LRP11: variants seen among roughly 807,000 people sequenced by gnomAD.
LRP11 encodes the protein LDL receptor related protein 11, also known as low-density lipoprotein receptor-related protein 11.
LRP11 carries 25 observed loss-of-function variants against 43.1 expected under a neutral mutation model. The observed-to-expected ratio is 0.58, with a 90% CI of 0.42 to 0.81. The LOEUF (loss-of-function observed/expected upper bound fraction) is 0.81. Among genes scored for constraint, LRP11 ranks in the 30% least tolerant of loss-of-function variants. LRP11 has a pLI of 0.00. For missense variants in LRP11, 623 were observed against 665.1 expected (o/e 0.94, Z 0.70); for synonymous variants, 316 against 299.4 (o/e 1.06, Z -0.57).
At chr6:149,858,705 G>T (rs1278707076) in intron 1 of LRP11, among the ~76,000 whole-genome samples, 2 of 152,032 alleles carry the variant, frequency 1.3e-5, no homozygotes, top group Non-Finnish European at 2.9e-5. Context: ...TCCTGTTATT[G>T]ATATTTCTTC....
At chr6:149,859,396 A>ATATTTTTTTTTT in intron 1 of LRP11, among the ~76,000 whole-genome samples, 25 of 71,494 alleles carry the variant, frequency 3.5e-4, no homozygotes, top group African/African-American at 1.8e-3. Flanking sequence ...ATATATATAT[A>ATATTTTTTTTTT]TTTTTTTTTT....
intron 2 of LRP11, among the ~76,000 whole-genome samples, chr6:149,851,360 T>C (rs1776716504): frequency 6.6e-6 from 1 of 152,140 alleles, no homozygotes; most frequent in Admixed American, 6.5e-5. Flanking sequence ...TATTAGATGT[T>C]AAGAAGGGTA....
intron 3 of LRP11, among the ~76,000 whole-genome samples, chr6:149,839,633 T>C (rs766027138): frequency 3.3e-5 from 5 of 152,222 alleles, no homozygotes; most frequent in Non-Finnish European, 7.3e-5. Context: ...AATATATTGT[T>C]GAACAGGCAT....
intron 5 of LRP11, among the ~76,000 whole-genome samples, chr6:149,832,278 G>A (rs1352675100): frequency 4.3e-5 from 6 of 140,376 alleles, no homozygotes; most frequent in Non-Finnish European, 7.5e-5. Flanking sequence ...TGCAACCTCC[G>A]CCTCCTGGGT....
intron 2 of LRP11, among the ~76,000 whole-genome samples, chr6:149,851,993 C>A (rs191544084): frequency 3.9e-5 from 6 of 152,072 alleles, no homozygotes; most frequent in African/African-American, 9.7e-5. Context: ...GCAGATCTTG[C>A]GAGAACTCAC....
At chr6:149,828,852 A>G (rs189780181) in intron 5 of LRP11, among the ~76,000 whole-genome samples, 2 of 152,254 alleles carry the variant, frequency 1.3e-5, no homozygotes, top group African/African-American at 2.4e-5. Flanking sequence ...TTAGATTACT[A>G]CAGAGACTCC....
chr6:149,833,816 G>A (rs1776438495), intron 5 of LRP11, among the ~76,000 whole-genome samples: 1 of 152,138 alleles, frequency 6.6e-6, no homozygotes, highest in African/African-American at 2.4e-5. Context: ...TTGGAAATTG[G>A]GTGCTGACTC....
chr6:149,840,737 G>A (rs1296235379), intron 3 of LRP11, among the ~76,000 whole-genome samples: 1 of 152,156 alleles, frequency 6.6e-6, no homozygotes, highest in African/African-American at 2.4e-5. Flanking sequence ...GTGAGTCCCG[G>A]TACCCAGGGG....
chr6:149,853,064 T>C lies in LRP11; in HGVS notation c.710A>G (p.Asp237Gly). ...CCACTCATACTGGACGATGGCGTGG[T>C]CATCTGTGCTCTCGCGGCCGTCTAG... ...VVLDGRESTD[D>G]HAIVQYEWAL... The change falls in exon 2 of 7, where the codon GAC (aspartate) becomes GGC (glycine). Residue 237 changes from aspartate (D) to glycine (G), a missense_variant. Physicochemically the swap from Asp to Gly is moderately conservative, Grantham distance 94. Transcript: ENST00000239367. 6.2e-7 allele frequency: 1 copy of C among 1,612,436 alleles called. No individual in the cohort carries two copies. The highest frequency in any genetic ancestry group is 8.5e-7 in the Non-Finnish European group (1 of 1,179,176).
At chr6:149,835,325 G>C (rs961170032) in intron 5 of LRP11, among the ~76,000 whole-genome samples, 1 of 152,224 alleles carries the variant, frequency 6.6e-6, no homozygotes, top group Admixed American at 6.5e-5. Flanking sequence ...GCCAGGTGCA[G>C]TGACTCACAC....
chr6:149,847,224 T>A (rs1389776906), intron 2 of LRP11, among the ~76,000 whole-genome samples: 1 of 152,180 alleles, frequency 6.6e-6, no homozygotes, highest in Non-Finnish European at 1.5e-5. Flanking sequence ...GGACAGAGCA[T>A]CCCTGGGTCA....
chr6:149,850,137 G>A (rs1776697446), intron 2 of LRP11, among the ~76,000 whole-genome samples: 1 of 152,164 alleles, frequency 6.6e-6, no homozygotes. Context: ...ACAGTCAAGG[G>A]ACTTAGGAAC....
chr6:149,861,237 A>C (rs1240266398), intron 1 of LRP11, among the ~76,000 whole-genome samples: 1 of 152,194 alleles, frequency 6.6e-6, no homozygotes. Flanking sequence ...CAGGGGACAC[A>C]CAGGACACTG....
At chr6:149,851,603 GAAGT>G (rs1314676007) in intron 2 of LRP11, among the ~76,000 whole-genome samples, 2 of 152,222 alleles carry the variant, frequency 1.3e-5, no homozygotes, top group Non-Finnish European at 2.9e-5. Flanking sequence ...CCAATGCACA[GAAGT>G]AAGGGGAGGC....
intron 2 of LRP11, among the ~76,000 whole-genome samples, chr6:149,843,488 A>AC (rs1053096798): frequency 4.6e-5 from 7 of 151,348 alleles, no homozygotes; most frequent in African/African-American, 9.7e-5. Flanking sequence ...TCCACCACCC[A>AC]CCTCCTCCTG....
At chr6:149,855,389 G>A (rs1377196456) in intron 1 of LRP11, among the ~76,000 whole-genome samples, 4 of 152,108 alleles carry the variant, frequency 2.6e-5, no homozygotes, top group Admixed American at 2.6e-4. Flanking sequence ...TAGACTGAAT[G>A]AAACACTCCT....
intron 2 of LRP11, among the ~76,000 whole-genome samples, chr6:149,845,130 G>A (rs990303338): frequency 2.0e-5 from 3 of 152,178 alleles, no homozygotes; most frequent in African/African-American, 7.2e-5. Context: ...GTCACTTAAC[G>A]TCTCCAAACC....
rs1021981840 is a variant in LRP11 at position 149,827,702 on chromosome 6, C to T, written c.1253-1343G>A. Among the ~76,000 whole-genome samples, 32 of 152,242 alleles carry T rather than the reference C, an allele frequency of 2.1e-4. No homozygotes were observed. Among genetic ancestry groups the T allele is most frequent in the Non-Finnish European group, 4.3e-4 (29 of 68,048 alleles). On this transcript the variant is annotated intron_variant, in intron 5 of 6. Transcript: ENST00000239367. The surrounding 1 kb of genome is among the most constrained non-coding windows in gnomAD (Gnocchi z 4.2). Reference sequence around the variant, plus strand: ...AGTTCTGTTACTGTCCAACTCACTGCAGTAGCCACGACAGTGGTCACCAAG... The same window carrying T: ...AGTTCTGTTACTGTCCAACTCACTGTAGTAGCCACGACAGTGGTCACCAAG...
At chr6:149,857,560 T>C (rs549975534) in intron 1 of LRP11, among the ~76,000 whole-genome samples, 116 of 148,578 alleles carry the variant, frequency 7.8e-4, no homozygotes, top group Non-Finnish European at 1.0e-3. Flanking sequence ...TTTCCCCAAA[T>C]AAGCCCCTTT....
Sources: gnomAD v4.1 joint callset for allele counts (sites outside exome capture counted in the v4.1 genomes callset) on GRCh38, gnomAD v4.1.1 for gene constraint, Gnocchi (gnomAD v3.1) non-coding constraint, MANE v1.5 for transcripts, NCBI Gene and HGNC (gene_info 2026-07-23, HGNC 2026-07-21) for gene names.